The following TRABD2B variants were observed in gnomAD, a reference collection of about 807,000 sequenced individuals.
TRABD2B encodes the protein metalloprotease TIKI2.
In TRABD2B, 14 loss-of-function variants were observed where a neutral mutation model predicts 40.1. That is an observed-to-expected ratio of 0.35 (90% confidence interval 0.23 to 0.55). The LOEUF (loss-of-function observed/expected upper bound fraction) is 0.55, where lower values mean the gene tolerates loss of function less well. Ranked by LOEUF, TRABD2B falls within the 20% of genes least tolerant of loss-of-function variation. TRABD2B has a pLI of 0.90. For synonymous variants in TRABD2B, 263 were observed against 277.0 expected (o/e 0.95, Z 0.50); for missense variants, 541 against 648.6 (o/e 0.83, Z 1.80).
chr1:47,794,390 G>A (rs988526948), intron 4 of TRABD2B, among the ~76,000 whole-genome samples, 196 bp downstream of exon 4: 1 of 152,120 alleles, frequency 6.6e-6, no homozygotes, highest in Non-Finnish European at 1.5e-5. Context: ...CCTTTCCCGT[G>A]GGGACCGTTA....
chr1:47,926,485 T>A (rs1644970878), intron 2 of TRABD2B, among the ~76,000 whole-genome samples: 2 of 152,182 alleles, frequency 1.3e-5, no homozygotes, highest in African/African-American at 4.8e-5. Context: ...CTACTTGATC[T>A]GCCAAGGCTC....
At chr1:47,982,036 A>G (rs1184790665) in intron 2 of TRABD2B, among the ~76,000 whole-genome samples, 1 of 152,208 alleles carries the variant, frequency 6.6e-6, no homozygotes, top group Non-Finnish European at 1.5e-5. Context: ...AACTCCAGAG[A>G]GTAGTGGGAG....
intron 2 of TRABD2B, among the ~76,000 whole-genome samples, chr1:47,909,237 G>A (rs1050418681): frequency 5.3e-5 from 8 of 152,254 alleles, no homozygotes; most frequent in African/African-American, 1.7e-4. Flanking sequence ...ACCTGAGGCC[G>A]GATAATTTAT....
chr1:47,899,734 G>A (rs1314844728), intron 2 of TRABD2B, among the ~76,000 whole-genome samples: 1 of 152,150 alleles, frequency 6.6e-6, no homozygotes, highest in Non-Finnish European at 1.5e-5. Context: ...GCATTCCAAG[G>A]GAAGCCCTTG....
At chr1:47,807,890 G>A (rs943217236) in intron 2 of TRABD2B, among the ~76,000 whole-genome samples, 1 of 152,198 alleles carries the variant, frequency 6.6e-6, no homozygotes, top group Non-Finnish European at 1.5e-5. Context: ...CCATGTTATT[G>A]TCAGTATTTG....
intron 2 of TRABD2B, among the ~76,000 whole-genome samples, chr1:47,838,329 G>T (rs1300467761): frequency 6.6e-6 from 1 of 152,218 alleles, no homozygotes; most frequent in Non-Finnish European, 1.5e-5. Flanking sequence ...GAAGGCTGAG[G>T]CTTGAGATTA....
At chr1:47,937,857 G>C (rs929148917) in intron 2 of TRABD2B, among the ~76,000 whole-genome samples, 4 of 152,174 alleles carry the variant, frequency 2.6e-5, no homozygotes, top group Non-Finnish European at 5.9e-5. Context: ...CGATACCCAG[G>C]GAGATAAATC....
In TRABD2B at chr1:47,946,509, C is replaced by T. The variant is rs531586503; in HGVS notation, c.666+47525G>A. Among the ~76,000 whole-genome samples the T allele has an allele frequency of 9.6e-4, 146 of 152,182 alleles. 2 individuals are homozygous for T. Among genetic ancestry groups the T allele is most frequent in the African/African-American group, 3.5e-3 (144 of 41,546 alleles). On this transcript the variant is annotated intron_variant, in intron 2 of 6. Coordinates refer to ENST00000606738, the MANE Select transcript of TRABD2B (RefSeq NM_001194986.2). ...TGAGATGATCATATGGGTTTTTCTTCTTTAGTCTACTGATTTAAGAAATTA... is the reference window on the plus strand; with the variant it reads ...TGAGATGATCATATGGGTTTTTCTTTTTTAGTCTACTGATTTAAGAAATTA...
At chr1:47,891,524 C>T (rs560786995) in intron 2 of TRABD2B, among the ~76,000 whole-genome samples, 3 of 152,222 alleles carry the variant, frequency 2.0e-5, no homozygotes, top group South Asian at 2.1e-4. Context: ...GAGCCAGGCA[C>T]GGTGGTTCAT....
At chr1:47,974,994 T>C (rs1645735485) in intron 2 of TRABD2B, among the ~76,000 whole-genome samples, 1 of 152,148 alleles carries the variant, frequency 6.6e-6, no homozygotes, top group Admixed American at 6.5e-5. Context: ...TTCAAAACTG[T>C]CAAGGTCATC....
chr1:47,914,794 G>T (rs1446419291), intron 2 of TRABD2B, among the ~76,000 whole-genome samples: 1 of 152,202 alleles, frequency 6.6e-6, no homozygotes, highest in Non-Finnish European at 1.5e-5. Context: ...TATCCTTTCT[G>T]CAAGGGCCAG....
chr1:47,765,791 G>A lies in TRABD2B; in HGVS notation c.*111C>T. 2 of 701,486 alleles carry A rather than the reference G, an allele frequency of 2.9e-6. No individual in the cohort carries two copies. Among genetic ancestry groups the A allele is most frequent in the Admixed American group, 4.0e-5 (2 of 49,966 alleles). 43.5% of individuals were successfully genotyped at this position (701,486 alleles called of 1,614,324 possible). A position where few individuals can be genotyped will look rare whatever the true frequency, so the allele number is the denominator to read the frequency against. On this transcript the variant is annotated 3_prime_UTR_variant, in exon 7 of 7. Coordinates refer to ENST00000606738, the MANE Select transcript of TRABD2B (RefSeq NM_001194986.2). Reference sequence around the variant, plus strand: ...CTAGAGTGTCTAGCCAATCCCATGTGGACTGCCCTCGACGTGTTGGGCACC... The same window carrying A: ...CTAGAGTGTCTAGCCAATCCCATGTAGACTGCCCTCGACGTGTTGGGCACC...
chr1:47,990,141 T>A lies in TRABD2B; in HGVS notation c.666+3893A>T, dbSNP rs570310112. Among the ~76,000 whole-genome samples the A allele has an allele frequency of 3.3e-5, 5 of 152,298 alleles. No individual in the cohort carries two copies. The South Asian group carries it at 1.0e-3, about 32-fold the overall frequency. Reference sequence around the variant, plus strand: ...TTTTGCACACCTTTGGCAGGCACGGTTCTGTGTTCAGGCGCTACACATATT... The same window carrying A: ...TTTTGCACACCTTTGGCAGGCACGGATCTGTGTTCAGGCGCTACACATATT... On this transcript the variant is annotated intron_variant, in intron 2 of 6. Transcript: ENST00000606738.
chr1:47,989,541 G>GGT (rs1259429430), intron 2 of TRABD2B, among the ~76,000 whole-genome samples: 5 of 151,932 alleles, frequency 3.3e-5, no homozygotes, highest in Non-Finnish European at 7.4e-5. Flanking sequence ...TATATTGGGG[G>GGT]GTGTGTGTGT....
intron 2 of TRABD2B, among the ~76,000 whole-genome samples, chr1:47,980,660 G>C (rs746140030): frequency 6.6e-6 from 1 of 152,186 alleles, no homozygotes; most frequent in African/African-American, 2.4e-5. Context: ...AAGCATCCCA[G>C]CCATCTAGAC....
chr1:47,988,790 G>C (rs545657457), intron 2 of TRABD2B, among the ~76,000 whole-genome samples: 6 of 152,206 alleles, frequency 3.9e-5, no homozygotes, highest in African/African-American at 1.2e-4. Flanking sequence ...TGGGACAAAG[G>C]GGGGCAAATT....
intron 2 of TRABD2B, among the ~76,000 whole-genome samples, chr1:47,827,968 G>A (rs1308177009): frequency 6.6e-6 from 1 of 152,176 alleles, no homozygotes; most frequent in Non-Finnish European, 1.5e-5. Context: ...GGCATAAAGG[G>A]GTGGGAGTCC....
intron 2 of TRABD2B, among the ~76,000 whole-genome samples, chr1:47,898,764 G>A (rs1392369292): frequency 6.6e-6 from 1 of 152,124 alleles, no homozygotes; most frequent in Non-Finnish European, 1.5e-5. Context: ...AGGCCACAAT[G>A]GGGTGTTAAA....
Position 47,817,242 on chromosome 1 carries a change from G to A in TRABD2B, c.667-15623C>T, listed in dbSNP as rs565237547. The stretch of plus-strand genomic sequence containing the variant: ...CCCCTGCCCCAGCTCCTGGATCCAG[G>A]AGAGCCAGTGTTCAAAACCAGTCAG... On this transcript the variant is annotated intron_variant, in intron 2 of 6. Coordinates refer to ENST00000606738, the MANE Select transcript of TRABD2B (RefSeq NM_001194986.2). Among the ~76,000 whole-genome samples the A allele has an allele frequency of 1.1e-4, 17 of 152,136 alleles. No homozygotes were observed. The South Asian group carries it at 1.9e-3, about 17-fold the overall frequency.
Sources: gnomAD v4.1 joint callset for allele counts (sites outside exome capture counted in the v4.1 genomes callset) on GRCh38, gnomAD v4.1.1 for gene constraint, MANE v1.5 for transcripts, NCBI Gene and HGNC (gene_info 2026-07-23, HGNC 2026-07-21) for gene names.